Variants in CSMD1 observed in about 807,000 individuals in gnomAD.
CSMD1 encodes CUB and sushi domain-containing protein 1.
CSMD1 carries 213 observed loss-of-function variants against 417.5 expected under a neutral mutation model. The ratio of observed to expected loss-of-function variants is 0.51; its 90% CI spans 0.46 to 0.57. The LOEUF (loss-of-function observed/expected upper bound fraction) is 0.57. CSMD1 is among the 20% of genes least tolerant of loss of function. The pLI, the probability that CSMD1 is intolerant of heterozygous loss-of-function variation, is 0.00. For synonymous variants in CSMD1, 2,862 were observed against 1,736.8 expected (o/e 1.65, Z -16.11); for missense variants, 6,923 against 4,529.7 (o/e 1.53, Z -15.17).
intron 3 of CSMD1, among the ~76,000 whole-genome samples, chr8:4,213,825 G>C (rs1387759973): frequency 6.6e-6 from 1 of 152,196 alleles, no homozygotes; most frequent in East Asian, 1.9e-4. Flanking sequence ...GATAAGAAAA[G>C]AGACAGTTAT....
chr8:2,971,548 C>G lies in CSMD1; in HGVS notation c.8923+1569G>C, dbSNP rs530744823. ...AATGTCTCTTTTCAGTGCCTCATATCGGGAAGATAGAACATCACCTTGTTA... is the reference window on the plus strand; with the variant it reads ...AATGTCTCTTTTCAGTGCCTCATATGGGGAAGATAGAACATCACCTTGTTA... On this transcript the variant is annotated intron_variant, in intron 57 of 69. Coordinates refer to ENST00000635120, the MANE Select transcript of CSMD1 (RefSeq NM_033225.6). Among the ~76,000 whole-genome samples the G allele has an allele frequency of 8.5e-5, 13 of 152,170 alleles. No homozygotes were observed. The East Asian group carries it at 2.5e-3, about 29-fold the overall frequency.
At chr8:4,662,795 G>C (rs1483246812) in intron 1 of CSMD1, among the ~76,000 whole-genome samples, 2 of 152,170 alleles carry the variant, frequency 1.3e-5, no homozygotes, top group Non-Finnish European at 2.9e-5. Context: ...AGGGATTCAA[G>C]CTCAGGTGAC....
intron 26 of CSMD1, among the ~76,000 whole-genome samples, chr8:3,283,617 G>T (rs1006482256): frequency 6.6e-6 from 1 of 152,112 alleles, no homozygotes; most frequent in Non-Finnish European, 1.5e-5. Flanking sequence ...TGCCCCTTCT[G>T]CCCTGAAGCA....
chr8:4,423,382 A>G (rs906043949), intron 2 of CSMD1, among the ~76,000 whole-genome samples: 7 of 152,250 alleles, frequency 4.6e-5, no homozygotes, highest in African/African-American at 1.7e-4. Flanking sequence ...CATAATGAAC[A>G]TACAAAAATC....
chr8:3,926,239 T>C (rs1245536761), intron 5 of CSMD1, among the ~76,000 whole-genome samples: 1 of 152,202 alleles, frequency 6.6e-6, no homozygotes, highest in East Asian at 1.9e-4. Flanking sequence ...CTCTTTTATG[T>C]GTTAATGGTA....
chr8:4,619,983 T>A (rs986728919), intron 2 of CSMD1, among the ~76,000 whole-genome samples: 1 of 152,068 alleles, frequency 6.6e-6, no homozygotes, highest in South Asian at 2.1e-4. Context: ...ACATGAGGCA[T>A]AATTACAAAT....
chr8:4,647,519 G>A (rs181514940), intron 1 of CSMD1, among the ~76,000 whole-genome samples: 454 of 151,940 alleles, frequency 3.0e-3, no homozygotes, highest in South Asian at 6.0e-3. Context: ...CGTGTGCCAT[G>A]GTTGTTTGCT....
intron 4 of CSMD1, among the ~76,000 whole-genome samples, chr8:4,009,600 A>C (rs1816388949): frequency 6.6e-6 from 1 of 152,222 alleles, no homozygotes; most frequent in Non-Finnish European, 1.5e-5. Context: ...CAATTTTTAC[A>C]ATTGCATGGG....
At chr8:3,731,320 T>C (rs946270531) in intron 6 of CSMD1, among the ~76,000 whole-genome samples, 1 of 152,148 alleles carries the variant, frequency 6.6e-6, no homozygotes, top group Non-Finnish European at 1.5e-5. Context: ...TCTGAATGCC[T>C]CTCTTGAAAG....
At chr8:4,205,616 C>T (rs1322867442) in intron 3 of CSMD1, among the ~76,000 whole-genome samples, 1 of 152,294 alleles carries the variant, frequency 6.6e-6, no homozygotes, top group South Asian at 2.1e-4. Flanking sequence ...ACAATTTCCA[C>T]CCAGGAGCCA....
At chr8:4,843,492 G>A (rs1453761508) in intron 1 of CSMD1, among the ~76,000 whole-genome samples, 1 of 152,100 alleles carries the variant, frequency 6.6e-6, no homozygotes, top group Non-Finnish European at 1.5e-5. Context: ...AAGGAAAGTA[G>A]CAAAGACTAA....
chr8:2,998,191 A>T lies in CSMD1; in HGVS notation c.8204-7T>A, dbSNP rs779099740. 46 of 1,613,496 alleles carry T rather than the reference A, an allele frequency of 2.9e-5. No individual in the cohort carries two copies. Among genetic ancestry groups the T allele is most frequent in the Non-Finnish European group, 3.9e-5 (46 of 1,179,604 alleles). On this transcript the variant is annotated splice_polypyrimidine_tract_variant and splice_region_variant and intron_variant, in intron 53 of 69. Coordinates refer to ENST00000635120, the MANE Select transcript of CSMD1 (RefSeq NM_033225.6). ...GGGTGACCACATGTGATGGCTGTAG[A>T]GAGACAGGTCAACGTCATTGTTAAA...
At chr8:3,501,472 C>G (rs78557998) in intron 10 of CSMD1, among the ~76,000 whole-genome samples, 3,383 of 152,192 alleles carry the variant, frequency 0.022, 93 homozygotes, top group East Asian at 0.12. Flanking sequence ...AGATTTAGAA[C>G]TGACAGCACA....
At chr8:4,077,121 G>C (rs571957853) in intron 3 of CSMD1, among the ~76,000 whole-genome samples, 2 of 151,578 alleles carry the variant, frequency 1.3e-5, no homozygotes, top group Admixed American at 6.6e-5. Flanking sequence ...TTAGTGATGA[G>C]TATGATGAAG....
At chr8:4,338,718 A>C (rs992071145) in intron 3 of CSMD1, among the ~76,000 whole-genome samples, 4 of 152,098 alleles carry the variant, frequency 2.6e-5, no homozygotes, top group African/African-American at 9.7e-5. Context: ...TATTTTTTTA[A>C]CTCAGATTTT....
intron 5 of CSMD1, among the ~76,000 whole-genome samples, chr8:3,951,015 G>C (rs1423440086): frequency 6.6e-6 from 1 of 152,186 alleles, no homozygotes; most frequent in Non-Finnish European, 1.5e-5. Context: ...CCCCGTTTCT[G>C]ATCTACAAAA....
intron 1 of CSMD1, among the ~76,000 whole-genome samples, chr8:4,769,116 C>G (rs1203981296): frequency 6.6e-6 from 1 of 152,178 alleles, no homozygotes; most frequent in African/African-American, 2.4e-5. Context: ...GGTTCAAAAT[C>G]TACTTGCTCT....
At position 3,942,443 on chromosome 8, in the gene CSMD1, A is replaced by T. The variant is rs114449113; in HGVS notation, c.818+55460T>A. On this transcript the variant is annotated intron_variant, in intron 5 of 69. Transcript: ENST00000635120. ...ATTACATTTATGGTACCTGAACCACACCACACCTGGCCCATTTGACTATTT... is the reference window on the plus strand; with the variant it reads ...ATTACATTTATGGTACCTGAACCACTCCACACCTGGCCCATTTGACTATTT... Among the ~76,000 whole-genome samples the T allele has an allele frequency of 6.7e-3, 1,017 of 152,154 alleles. 15 individuals carry two copies. The highest frequency in any genetic ancestry group is 0.024 in the African/African-American group (987 of 41,526).
chr8:3,289,706 A>T (rs1302811196), intron 25 of CSMD1, among the ~76,000 whole-genome samples: 4 of 146,928 alleles, frequency 2.7e-5, no homozygotes, highest in Non-Finnish European at 5.9e-5. Flanking sequence ...GTTGGAGTTC[A>T]TTGTAGATTC....
Sources: gnomAD v4.1 joint callset for allele counts (sites outside exome capture counted in the v4.1 genomes callset) on GRCh38, gnomAD v4.1.1 for gene constraint, MANE v1.5 for transcripts, NCBI Gene and HGNC (gene_info 2026-07-23, HGNC 2026-07-21) for gene names.